PLEKHD1: variants seen among roughly 807,000 people sequenced by gnomAD.
The protein encoded by PLEKHD1 is pleckstrin homology domain-containing family D member 1.
In PLEKHD1, 51 loss-of-function variants were observed where a neutral mutation model predicts 69.2. The observed-to-expected ratio is 0.74, with a 90% CI of 0.59 to 0.93. PLEKHD1 has a LOEUF of 0.93. Ranked by LOEUF, PLEKHD1 falls within the 40% of genes least tolerant of loss-of-function variation. PLEKHD1 has a pLI of 0.00. For synonymous variants in PLEKHD1, 236 were observed against 244.7 expected (o/e 0.96, Z 0.33); for missense variants, 584 against 641.0 (o/e 0.91, Z 0.96).
intron 1 of PLEKHD1, among the ~76,000 whole-genome samples, chr14:69,494,929 G>C (rs549732436): frequency 6.6e-6 from 1 of 152,244 alleles, no homozygotes; most frequent in Non-Finnish European, 1.5e-5. Flanking sequence ...CCCTCCGTTG[G>C]GCCGAACTCA....
the PLEKHD1 span, among the ~76,000 whole-genome samples, chr14:69,473,375 C>T: frequency 1.3e-5 from 2 of 151,446 alleles, no homozygotes; most frequent in Admixed American, 1.3e-4. Flanking sequence ...CAGCTGCAGC[C>T]CTGATCCCTG....
the PLEKHD1 span, among the ~76,000 whole-genome samples, chr14:69,471,123 T>TTC: frequency 9.7e-6 from 1 of 103,342 alleles, no homozygotes; most frequent in Non-Finnish European, 2.0e-5. Context: ...TTTTTTTTTT[T>TTC]TGAGACAGGG....
At chr14:69,510,549 C>T (rs779574479) in intron 6 of PLEKHD1, among the ~76,000 whole-genome samples, 7 of 151,980 alleles carry the variant, frequency 4.6e-5, no homozygotes, top group Non-Finnish European at 8.8e-5. Context: ...TCTCAAATTC[C>T]ACCTTTTTAT....
intron 2 of PLEKHD1, 56 bp from the exon 3 acceptor site, chr14:69,500,521 C>A: frequency 6.9e-7 from 1 of 1,452,070 alleles, no homozygotes; most frequent in Non-Finnish European, 9.3e-7. Flanking sequence ...CCCCCAGAAC[C>A]CCTGAGTGAC....
chr14:69,493,880 G>T (rs1882829781), intron 1 of PLEKHD1, among the ~76,000 whole-genome samples: 1 of 152,240 alleles, frequency 6.6e-6, no homozygotes, highest in African/African-American at 2.4e-5. Context: ...GAGCTGATGG[G>T]CAAAGCTTCT....
In PLEKHD1 at chr14:69,526,785, C is replaced by A. The variant is rs1883659416; in HGVS notation, c.1012C>A (p.Gln338Lys). 1 of 1,550,126 alleles carries A rather than the reference C, an allele frequency of 6.5e-7. No homozygotes were observed. Among genetic ancestry groups the A allele is most frequent in the African/African-American group, 1.4e-5 (1 of 73,032 alleles). Residue 338 changes from glutamine (Q) to lysine (K), a missense_variant, in exon 10 of 13, where the codon CAG becomes AAG. By Grantham distance (53) the Gln-to-Lys change is moderately conservative (BLOSUM62 1). Transcript: ENST00000322564. ...GTCCCAGGCACTGCAGAACTCGCTGCAGGAGCTGACGGCAGAGAAGCAGCA... is the reference window on the plus strand; with the variant it reads ...GTCCCAGGCACTGCAGAACTCGCTGAAGGAGCTGACGGCAGAGAAGCAGCA... ...SQSQALQNSL[Q>K]ELTAEKQQAE...
intron 1 of PLEKHD1, among the ~76,000 whole-genome samples, chr14:69,493,723 C>T (rs766242840): frequency 6.6e-6 from 1 of 152,218 alleles, no homozygotes; most frequent in Non-Finnish European, 1.5e-5. Context: ...AGGTGAGTGT[C>T]CTGGCACCCT....
chr14:69,525,979 G>A lies in PLEKHD1; in HGVS notation c.780G>A (p.Met260Ile). Reference protein sequence around the residue: ...LSIEKKKTLEMLEENENHLQT... With the variant: ...LSIEKKKTLEILEENENHLQT... Reference sequence around the variant, plus strand: ...TAGAGAAGAAGAAAACCCTGGAAATGCTGGAGGAGAACGAGAACCACCTGC... The same window carrying A: ...TAGAGAAGAAGAAAACCCTGGAAATACTGGAGGAGAACGAGAACCACCTGC... Residue 260 changes from methionine to isoleucine, a missense_variant, in exon 9 of 13, where the codon ATG becomes ATA. Met to Ile is a conservative substitution (Grantham distance 10). Transcript: ENST00000322564. 6.4e-7 allele frequency: 1 copy of A among 1,551,682 alleles called. No homozygotes were observed. The highest frequency in any genetic ancestry group is 8.7e-7 in the Non-Finnish European group (1 of 1,146,998).
the PLEKHD1 span, among the ~76,000 whole-genome samples, chr14:69,476,212 C>T: frequency 9.5e-5 from 13 of 136,616 alleles, no homozygotes; most frequent in South Asian, 2.3e-4. Flanking sequence ...GAGCCGAGAT[C>T]GAGGCACTGC....
At chr14:69,525,903 C>T (rs567771574) in intron 8 of PLEKHD1, 41 bp from the exon 9 acceptor site, 3 of 1,530,258 alleles carry the variant, frequency 2.0e-6, no homozygotes, top group Non-Finnish European at 2.6e-6. Flanking sequence ...GATGGAGAAC[C>T]TAAATTGGGC....
chr14:69,492,680 G>GTTGAA (rs1394040485), intron 1 of PLEKHD1, among the ~76,000 whole-genome samples: 1 of 152,240 alleles, frequency 6.6e-6, no homozygotes, highest in Non-Finnish European at 1.5e-5. Context: ...CATGTGAGGA[G>GTTGAA]TTGAATGAGT....
intron 6 of PLEKHD1, among the ~76,000 whole-genome samples, chr14:69,519,408 C>A (rs1883458708): frequency 6.6e-6 from 1 of 151,974 alleles, no homozygotes; most frequent in Non-Finnish European, 1.5e-5. Flanking sequence ...TTGCTTTGAC[C>A]CTGGAGGGTT....
At chr14:69,514,386 C>T (rs1883336178) in intron 6 of PLEKHD1, among the ~76,000 whole-genome samples, 2 of 152,076 alleles carry the variant, frequency 1.3e-5, no homozygotes, top group African/African-American at 4.8e-5. Context: ...GCATTCTTCA[C>T]TCTTACAGTG....
chr14:69,486,614 C>T (rs1194616371), intron 1 of PLEKHD1, among the ~76,000 whole-genome samples: 10 of 152,300 alleles, frequency 6.6e-5, no homozygotes, highest in African/African-American at 2.4e-4. Context: ...TCAGCAGCTC[C>T]AGATAGTTAA....
chr14:69,475,843 G>T, the PLEKHD1 span, among the ~76,000 whole-genome samples: 3 of 152,132 alleles, frequency 2.0e-5, no homozygotes, highest in Admixed American at 6.5e-5. Context: ...CTCTCTCCTG[G>T]GTTGCCCTGG....
chr14:69,480,917 T>C (rs540303767), upstream of PLEKHD1, among the ~76,000 whole-genome samples: 236 of 152,306 alleles, frequency 1.5e-3, no homozygotes, highest in African/African-American at 5.3e-3. Context: ...CCTCCCAAAA[T>C]GTTGGAATTA....
At chr14:69,473,166 C>T in the PLEKHD1 span, among the ~76,000 whole-genome samples, 4 of 152,098 alleles carry the variant, frequency 2.6e-5, no homozygotes, top group Non-Finnish European at 5.9e-5. Flanking sequence ...AAATGTATTG[C>T]ACTTAAATCA....
At chr14:69,472,759 G>A in the PLEKHD1 span, among the ~76,000 whole-genome samples, 1 of 152,200 alleles carries the variant, frequency 6.6e-6, no homozygotes, top group Non-Finnish European at 1.5e-5. Context: ...TGCCATCTAG[G>A]TTTGTGTAAG....
At chr14:69,495,986 G>C (rs780682107) in intron 1 of PLEKHD1, among the ~76,000 whole-genome samples, 50 of 152,322 alleles carry the variant, frequency 3.3e-4, no homozygotes, top group Admixed American at 7.2e-4. Flanking sequence ...GTTCACAACT[G>C]TATCTCCAAC....
Sources: gnomAD v4.1 joint callset for allele counts (sites outside exome capture counted in the v4.1 genomes callset) on GRCh38, gnomAD v4.1.1 for gene constraint, MANE v1.5 for transcripts, NCBI Gene and HGNC (gene_info 2026-07-23, HGNC 2026-07-21) for gene names.